Variants in RBFOX3 observed in about 807,000 individuals in gnomAD.
RBFOX3 encodes the protein RNA binding fox-1 homolog 3.
RBFOX3 carries 17 observed loss-of-function variants against 48.7 expected under a neutral mutation model. That is an observed-to-expected ratio of 0.35 (90% CI 0.24 to 0.52). The LOEUF (loss-of-function observed/expected upper bound fraction) is 0.52. Among genes scored for constraint, RBFOX3 ranks in the 20% least tolerant of loss-of-function variants. The pLI, the probability that RBFOX3 is intolerant of heterozygous loss-of-function variation, is 0.94. For missense variants in RBFOX3, 382 were observed against 497.5 expected, an observed-to-expected ratio of 0.77 and a Z score of 2.21; for synonymous variants, 212 against 209.5, an observed-to-expected ratio of 1.01 and a Z score of -0.10.
At chr17:79,178,295 C>T (rs72856455) in intron 4 of RBFOX3, among the ~76,000 whole-genome samples, 17,647 of 152,248 alleles carry the variant, frequency 0.12, 1,149 homozygotes, top group Non-Finnish European at 0.15. Flanking sequence ...CGCTGGGTGT[C>T]AGGGTTCAGG....
chr17:79,429,447 A>C (rs2068015596), intron 2 of RBFOX3, among the ~76,000 whole-genome samples: 1 of 152,212 alleles, frequency 6.6e-6, no homozygotes, highest in African/African-American at 2.4e-5. Context: ...ATGCAGGCAG[A>C]GAGTGAGTCC....
intron 1 of RBFOX3, among the ~76,000 whole-genome samples, chr17:79,606,775 T>TG (rs1417623431): frequency 1.3e-5 from 2 of 152,178 alleles, no homozygotes; most frequent in Non-Finnish European, 2.9e-5. Context: ...CAATGCTCCT[T>TG]GCATGCCCGC....
At chr17:79,284,899 C>T (rs1411983223) in intron 3 of RBFOX3, among the ~76,000 whole-genome samples, 3 of 152,244 alleles carry the variant, frequency 2.0e-5, no homozygotes, top group Middle Eastern at 6.8e-3. Flanking sequence ...CTGGAGATGG[C>T]AAGCTTGGGG....
intron 2 of RBFOX3, among the ~76,000 whole-genome samples, chr17:79,395,945 G>C (rs2061945360): frequency 6.6e-6 from 1 of 152,226 alleles, no homozygotes; most frequent in Non-Finnish European, 1.5e-5. Flanking sequence ...CTGGGGTACA[G>C]GTGCACTAAC....
intron 1 of RBFOX3, among the ~76,000 whole-genome samples, chr17:79,531,869 G>A (rs1337348515): frequency 1.3e-5 from 2 of 152,172 alleles, no homozygotes; most frequent in African/African-American, 2.4e-5. Context: ...TCTGGGATGC[G>A]TCCCTCACAG....
chr17:79,189,290 G>A (rs950398950), intron 4 of RBFOX3, among the ~76,000 whole-genome samples: 2 of 152,172 alleles, frequency 1.3e-5, no homozygotes, highest in Non-Finnish European at 2.9e-5. Flanking sequence ...GGATCACAGA[G>A]GTGGTCCAAG....
chr17:79,507,969 G>C (rs372652969), intron 1 of RBFOX3, among the ~76,000 whole-genome samples: 62,457 of 152,052 alleles, frequency 0.41, 14,097 homozygotes, highest in East Asian at 0.62. Context: ...CTTTTCTCTA[G>C]CTCTTCCCAC....
chr17:79,533,703 C>A (rs1282564347), intron 1 of RBFOX3, among the ~76,000 whole-genome samples: 1 of 152,234 alleles, frequency 6.6e-6, no homozygotes, highest in African/African-American at 2.4e-5. Flanking sequence ...CATAGGAGGG[C>A]AGCCTGGGTC....
At chr17:79,106,498 G>C (rs1481526034) in intron 6 of RBFOX3, among the ~76,000 whole-genome samples, 153 bp downstream of exon 6, 1 of 151,918 alleles carries the variant, frequency 6.6e-6, no homozygotes, top group Non-Finnish European at 1.5e-5. Context: ...GGGCCCAGGA[G>C]GGAAGGAATC....
In RBFOX3 at chr17:79,427,507, C is replaced by T. The variant is rs142914424; in HGVS notation, c.-175+54947G>A. 7.7e-3 allele frequency among the ~76,000 whole-genome samples: 1,167 copies of T among 152,354 alleles called. 5 individuals are homozygous for T. Among genetic ancestry groups the T allele is most frequent in the Non-Finnish European group, 0.013 (874 of 68,030 alleles). On this transcript the variant is annotated intron_variant, in intron 2 of 14. Transcript: ENST00000693108. ...CTGTGAGGCCGAATACGCTTGGGAG[C>T]TCAGCCAGTGATTTTGCCTTGTGGA...
chr17:79,264,584 G>A (rs1171711058), intron 3 of RBFOX3, among the ~76,000 whole-genome samples: 2 of 152,126 alleles, frequency 1.3e-5, no homozygotes, highest in African/African-American at 2.4e-5. Context: ...CACCCAGTTC[G>A]TGGTCATCTG....
chr17:79,166,378 G>A lies in RBFOX3; in HGVS notation c.-33-50630C>T, dbSNP rs548728998. Among the ~76,000 whole-genome samples, 28 of 152,304 alleles carry A rather than the reference G, an allele frequency of 1.8e-4. No individual in the cohort carries two copies. The South Asian group carries it at 5.8e-3, about 32-fold the overall frequency. On this transcript the variant is annotated intron_variant, in intron 4 of 14. Transcript: ENST00000693108. Reference sequence around the variant, plus strand: ...GCCCCGGGCTCCAACTCAGGCAGCCGAGACTGAGCCATGCAGCAATGGGAA... The same window carrying A: ...GCCCCGGGCTCCAACTCAGGCAGCCAAGACTGAGCCATGCAGCAATGGGAA...
At chr17:79,425,289 A>C (rs1489335415) in intron 2 of RBFOX3, among the ~76,000 whole-genome samples, 3 of 152,124 alleles carry the variant, frequency 2.0e-5, no homozygotes, top group African/African-American at 7.2e-5. Flanking sequence ...GCTCCCTCTG[A>C]GTGCCCTGAG....
chr17:79,488,162 AT>A (rs1451881222), intron 1 of RBFOX3, among the ~76,000 whole-genome samples: 1 of 152,040 alleles, frequency 6.6e-6, no homozygotes, highest in Non-Finnish European at 1.5e-5. Flanking sequence ...TACATCCTGG[AT>A]TTTTTTCCGC....
At chr17:79,632,040 G>C in the RBFOX3 span, among the ~76,000 whole-genome samples, 1,286 of 152,334 alleles carry the variant, frequency 8.4e-3, 11 homozygotes, top group African/African-American at 0.029. Flanking sequence ...GGCAGGGCAG[G>C]CTGCGCAGGG....
At chr17:79,302,878 G>A (rs186896098) in intron 3 of RBFOX3, among the ~76,000 whole-genome samples, 4 of 152,266 alleles carry the variant, frequency 2.6e-5, no homozygotes, top group African/African-American at 9.6e-5. Flanking sequence ...AGACAGAGGT[G>A]GTGAATGTAC....
intron 1 of RBFOX3, among the ~76,000 whole-genome samples, chr17:79,523,260 A>T (rs1599036557): frequency 6.6e-6 from 1 of 152,256 alleles, no homozygotes; most frequent in Admixed American, 6.5e-5. Context: ...AATGCTCTAC[A>T]TACCACTGAC....
At chr17:79,528,565 C>T (rs2087168947) in intron 1 of RBFOX3, among the ~76,000 whole-genome samples, 1 of 151,946 alleles carries the variant, frequency 6.6e-6, no homozygotes, top group South Asian at 2.1e-4. Flanking sequence ...CGGGTCTTTG[C>T]AGATGTAATT....
At chr17:79,382,752 C>T (rs1476080721) in intron 2 of RBFOX3, among the ~76,000 whole-genome samples, 1 of 152,212 alleles carries the variant, frequency 6.6e-6, no homozygotes, top group Non-Finnish European at 1.5e-5. Context: ...TCTTGCCTAT[C>T]GCCTCCCAGG....
Sources: allele counts gnomAD v4.1 joint callset (sites outside exome capture counted in the v4.1 genomes callset), GRCh38; gene constraint gnomAD v4.1.1; transcripts MANE v1.5; gene names NCBI Gene and HGNC (gene_info 2026-07-23, HGNC 2026-07-21).